RBFOX1: variants seen among roughly 807,000 people sequenced by gnomAD.
RBFOX1 encodes RNA binding protein fox-1 homolog 1.
A neutral mutation model predicts 57.7 loss-of-function variants in RBFOX1; 8 were observed. That is an observed-to-expected ratio of 0.14 (90% CI 0.08 to 0.25). RBFOX1 has a LOEUF of 0.25. Among genes scored for constraint, RBFOX1 ranks in the 10% least tolerant of loss-of-function variants. RBFOX1 has a pLI of 1.00. For synonymous variants in RBFOX1, 326 were observed against 222.4 expected (o/e 1.47, Z -4.15); for missense variants, 611 against 548.5 (o/e 1.11, Z -1.14).
intron 3 of RBFOX1, among the ~76,000 whole-genome samples, chr16:6,829,460 A>T (rs964634323): frequency 6.7e-6 from 1 of 148,338 alleles, no homozygotes; most frequent in Non-Finnish European, 1.5e-5. Context: ...CTGTCCATGC[A>T]ATGAAATACC....
Position 6,451,853 on chromosome 16 carries a change from C to A in RBFOX1, c.-64+134796C>A, listed in dbSNP as rs188505989. Among the ~76,000 whole-genome samples, 81 of 151,836 alleles carry A rather than the reference C, an allele frequency of 5.3e-4. 1 individual carries two copies. The highest frequency in any genetic ancestry group is 1.9e-3 in the African/African-American group (80 of 41,472). Reference sequence around the variant, plus strand: ...CCATGGCTCTTTCCTTCCATGGTTCCATCCATGGCTCCTTCCTTCCATGAC... The same window carrying A: ...CCATGGCTCTTTCCTTCCATGGTTCAATCCATGGCTCCTTCCTTCCATGAC... On this transcript the variant is annotated intron_variant, in intron 2 of 15. Transcript: ENST00000550418.
At chr16:6,380,608 A>G (rs2091712716) in intron 2 of RBFOX1, among the ~76,000 whole-genome samples, 3 of 151,684 alleles carry the variant, frequency 2.0e-5, no homozygotes, top group Non-Finnish European at 4.4e-5. Flanking sequence ...AATAAAGAGC[A>G]TACTTAGGAT....
At chr16:6,606,076 T>G (rs934588577) in intron 2 of RBFOX1, among the ~76,000 whole-genome samples, 1 of 151,914 alleles carries the variant, frequency 6.6e-6, no homozygotes, top group Non-Finnish European at 1.5e-5. Context: ...GCCCCTGCAC[T>G]CTAGCCTGGG....
At chr16:5,354,392 C>T (rs1465869830) in intron 1 of RBFOX1, among the ~76,000 whole-genome samples, 1 of 152,188 alleles carries the variant, frequency 6.6e-6, no homozygotes, top group African/African-American at 2.4e-5. Context: ...ACAACCCAGA[C>T]TGTACCACTT....
chr16:6,531,648 C>T (rs2096659546), intron 2 of RBFOX1, among the ~76,000 whole-genome samples: 3 of 152,110 alleles, frequency 2.0e-5, no homozygotes, highest in South Asian at 2.1e-4. Flanking sequence ...ATTCTCGGAG[C>T]ATATGTTGTC....
At chr16:6,650,574 C>G (rs1025370227) in intron 2 of RBFOX1, among the ~76,000 whole-genome samples, 5 of 152,168 alleles carry the variant, frequency 3.3e-5, no homozygotes, top group Admixed American at 6.5e-5. Context: ...ACGAAAAACA[C>G]CAAGCACAGT....
chr16:6,902,387 C>G (rs932562695), intron 3 of RBFOX1, among the ~76,000 whole-genome samples: 7 of 152,148 alleles, frequency 4.6e-5, no homozygotes, highest in Non-Finnish European at 8.8e-5. Context: ...CTGGAGCTAT[C>G]AAGAGGAAAG....
At chr16:6,980,702 A>G (rs1295655508) in intron 3 of RBFOX1, among the ~76,000 whole-genome samples, 1 of 152,170 alleles carries the variant, frequency 6.6e-6, no homozygotes, top group African/African-American at 2.4e-5. Flanking sequence ...GATAATTTGG[A>G]GGGAGCAATG....
At chr16:5,863,797 C>G (rs896385191) in intron 3 of RBFOX1, among the ~76,000 whole-genome samples, 26 of 152,184 alleles carry the variant, frequency 1.7e-4, no homozygotes, top group African/African-American at 5.6e-4. Flanking sequence ...GCCTTACCTT[C>G]TACTGTGCCC....
chr16:7,297,644 A>T (rs907785780), intron 4 of RBFOX1, among the ~76,000 whole-genome samples: 7 of 152,178 alleles, frequency 4.6e-5, no homozygotes, highest in African/African-American at 1.7e-4. Flanking sequence ...ATTAAAAAAA[A>T]TTATTCTTTA....
At chr16:5,600,887 C>T (rs554589312), downstream of RBFOX1, among the ~76,000 whole-genome samples, 35 of 152,182 alleles carry the variant, frequency 2.3e-4, no homozygotes, top group South Asian at 8.3e-4. Context: ...TCAATGACTC[C>T]GTAAGGTGTG....
chr16:7,414,669 G>A (rs886758626), intron 4 of RBFOX1, among the ~76,000 whole-genome samples: 1 of 152,118 alleles, frequency 6.6e-6, no homozygotes, highest in African/African-American at 2.4e-5. Flanking sequence ...CCAGGCTGGA[G>A]TGTGGTGATG....
intron 10 of RBFOX1, among the ~76,000 whole-genome samples, chr16:7,626,844 C>A (rs1475742932): frequency 6.6e-6 from 1 of 152,254 alleles, no homozygotes; most frequent in South Asian, 2.1e-4. Flanking sequence ...ATAATTCAAT[C>A]ATATGCATTA....
intron 15 of RBFOX1, 109 bp from the exon 16 acceptor site, chr16:7,710,514 C>G: frequency 1.3e-6 from 2 of 1,570,818 alleles, no homozygotes; most frequent in Non-Finnish European, 1.7e-6. Context: ...GGGGGTGCCT[C>G]CATTTCGGTT....
intron 3 of RBFOX1, among the ~76,000 whole-genome samples, chr16:7,020,787 T>C (rs2038775295): frequency 6.6e-6 from 1 of 152,070 alleles, no homozygotes; most frequent in Non-Finnish European, 1.5e-5. Flanking sequence ...ACATCCTTAA[T>C]GTTCCCAGTA....
chr16:7,172,455 G>A (rs1467778465), intron 4 of RBFOX1, among the ~76,000 whole-genome samples: 1 of 152,084 alleles, frequency 6.6e-6, no homozygotes, highest in African/African-American at 2.4e-5. Context: ...ATATTTCTCT[G>A]TCTCCCACAA....
rs188703981 is a variant in RBFOX1 at position 7,249,949 on chromosome 16, T to C, written c.27+197851T>C. Among the ~76,000 whole-genome samples the C allele has an allele frequency of 5.3e-4, 81 of 152,350 alleles. No individual in the cohort carries two copies. In the East Asian group the frequency reaches 0.015, roughly 29 times the overall value. ...ACAGTAGTGTTTAAGAGACTCTTTC[T>C]CTAAATCTCCTTTAATAATGAAGAG... On this transcript the variant is annotated intron_variant, in intron 4 of 15. Coordinates refer to ENST00000550418, the MANE Select transcript of RBFOX1 (RefSeq NM_018723.4).
chr16:5,706,786 G>A (rs1314444203), intron 3 of RBFOX1, among the ~76,000 whole-genome samples: 1 of 152,068 alleles, frequency 6.6e-6, no homozygotes, highest in African/African-American at 2.4e-5. Context: ...TTTGCAGGAA[G>A]GACTTAATGT....
intron 4 of RBFOX1, among the ~76,000 whole-genome samples, chr16:7,096,141 A>T (rs1372745623): frequency 1.3e-5 from 2 of 152,216 alleles, no homozygotes; most frequent in African/African-American, 4.8e-5. Context: ...CATATAACTT[A>T]CATGTAGTGA....
Sources: allele counts gnomAD v4.1 joint callset (sites outside exome capture counted in the v4.1 genomes callset), GRCh38; gene constraint gnomAD v4.1.1; transcripts MANE v1.5; gene names NCBI Gene and HGNC (gene_info 2026-07-23, HGNC 2026-07-21).